Variants in DLG2 observed in about 807,000 individuals in gnomAD.
DLG2 encodes the protein disks large homolog 2.
Under a neutral mutation model 132.5 loss-of-function variants are expected in DLG2, and 45 were observed. The observed-to-expected ratio is 0.34, with a 90% CI of 0.27 to 0.44. The LOEUF (loss-of-function observed/expected upper bound fraction) is 0.44. Among genes scored for constraint, DLG2 ranks in the 20% least tolerant of loss-of-function variants. The probability of loss-of-function intolerance (pLI) is 1.00; values close to 1 mark genes in which losing one functional copy is unlikely to be tolerated. For synonymous variants in DLG2, 424 were observed against 419.6 expected, an observed-to-expected ratio of 1.01 and a Z score of -0.13; for missense variants, 1,045 against 1,196.9, an observed-to-expected ratio of 0.87 and a Z score of 1.87.
intron 8 of DLG2, among the ~76,000 whole-genome samples, chr11:84,236,590 G>A (rs2097161215): frequency 6.6e-6 from 1 of 152,190 alleles, no homozygotes; most frequent in Admixed American, 6.5e-5. Flanking sequence ...AACCCTTGGA[G>A]GGGTGTTTCA....
intron 6 of DLG2, chr11:84,923,127 A>G (rs377738928): frequency 6.2e-7 from 1 of 1,613,818 alleles, no homozygotes; most frequent in Non-Finnish European, 8.5e-7. Context: ...ATTGCAGTAA[A>G]TAAGGAGCAT....
intron 6 of DLG2, among the ~76,000 whole-genome samples, chr11:84,587,182 G>A (rs942388691): frequency 1.3e-5 from 2 of 152,210 alleles, no homozygotes; most frequent in Non-Finnish European, 2.9e-5. Flanking sequence ...TTAGAAAGTA[G>A]CAGAAGGAAC....
At chr11:84,904,857 A>G (rs1282729073) in intron 6 of DLG2, among the ~76,000 whole-genome samples, 1 of 152,192 alleles carries the variant, frequency 6.6e-6, no homozygotes, top group Non-Finnish European at 1.5e-5. Flanking sequence ...TACTTTAATG[A>G]GCACCCTGAT....
intron 6 of DLG2, among the ~76,000 whole-genome samples, chr11:84,821,695 T>G (rs1219605611): frequency 1.3e-5 from 2 of 151,508 alleles, no homozygotes; most frequent in Non-Finnish European, 3.0e-5. Context: ...CTAGTCATTT[T>G]TTGTTGTTGT....
chr11:84,756,717 A>C (rs2066926228), intron 6 of DLG2, among the ~76,000 whole-genome samples: 2 of 152,182 alleles, frequency 1.3e-5, no homozygotes, highest in Non-Finnish European at 2.9e-5. Flanking sequence ...ACAAATTCAT[A>C]AACTTTCTTA....
At chr11:84,852,277 A>T (rs936259492) in intron 6 of DLG2, among the ~76,000 whole-genome samples, 4 of 152,076 alleles carry the variant, frequency 2.6e-5, no homozygotes, top group Non-Finnish European at 4.4e-5. Flanking sequence ...GATCTAAGAC[A>T]TGATAAGACA....
Position 85,059,910 on chromosome 11 carries a change from C to T in DLG2, c.357+51751G>A, listed in dbSNP as rs571832534. On this transcript the variant is annotated intron_variant, in intron 6 of 27. Coordinates refer to ENST00000376104, the MANE Select transcript of DLG2 (RefSeq NM_001142699.3). The stretch of plus-strand genomic sequence containing the variant: ...TTTAAAAGATACACTTGTATAAATA[C>T]GTAAATATACTAGAGCATAGTGTTT... Among the ~76,000 whole-genome samples, 19 of 151,454 alleles carry T rather than the reference C, an allele frequency of 1.3e-4. No individual in the cohort carries two copies. The South Asian group carries it at 1.5e-3, about 12-fold the overall frequency.
At chr11:85,407,915 C>G (rs2088919017) in intron 3 of DLG2, among the ~76,000 whole-genome samples, 1 of 151,484 alleles carries the variant, frequency 6.6e-6, no homozygotes, top group South Asian at 2.1e-4. Flanking sequence ...CATGGAGAGG[C>G]ACATATGGCT....
chr11:84,972,333 A>T (rs1360228320), intron 6 of DLG2, among the ~76,000 whole-genome samples: 1 of 152,184 alleles, frequency 6.6e-6, no homozygotes, highest in Non-Finnish European at 1.5e-5. Flanking sequence ...TGAGTCTTTT[A>T]ATCTACTTTT....
chr11:85,322,077 A>G (rs771954114), intron 3 of DLG2, among the ~76,000 whole-genome samples: 5 of 151,848 alleles, frequency 3.3e-5, no homozygotes, highest in Non-Finnish European at 7.4e-5. Context: ...TTTTATACCT[A>G]CTCTCCAAAC....
chr11:85,348,903 T>C (rs1386397407), intron 3 of DLG2, among the ~76,000 whole-genome samples: 1 of 152,174 alleles, frequency 6.6e-6, no homozygotes, highest in East Asian at 1.9e-4. Context: ...CAGTATTCTT[T>C]CTAACATGCA....
chr11:83,977,304 T>C (rs1243431006), intron 12 of DLG2, among the ~76,000 whole-genome samples: 1 of 151,932 alleles, frequency 6.6e-6, no homozygotes, highest in Non-Finnish European at 1.5e-5. Context: ...CTTGTGCAGG[T>C]GTGTGCTTTA....
chr11:84,841,830 C>T (rs2080734355), intron 6 of DLG2, among the ~76,000 whole-genome samples: 1 of 151,908 alleles, frequency 6.6e-6, no homozygotes, highest in African/African-American at 2.4e-5. Flanking sequence ...AGAATATGCT[C>T]ATTTGATGCA....
At chr11:84,035,728 G>A (rs1593613833) in intron 11 of DLG2, among the ~76,000 whole-genome samples, 2 of 152,280 alleles carry the variant, frequency 1.3e-5, no homozygotes, top group South Asian at 2.1e-4. Flanking sequence ...GCTGTTGTGT[G>A]AAGAGACTGT....
At chr11:84,211,672 T>C (rs145692511) in intron 8 of DLG2, among the ~76,000 whole-genome samples, 1,761 of 152,350 alleles carry the variant, frequency 0.012, 37 homozygotes, top group African/African-American at 0.037. Flanking sequence ...GACAAAATTT[T>C]AATTCAAGAT....
chr11:85,011,316 C>A (rs1480363592), intron 6 of DLG2, among the ~76,000 whole-genome samples: 1 of 152,134 alleles, frequency 6.6e-6, no homozygotes, highest in Non-Finnish European at 1.5e-5. Context: ...AAAAATGAGA[C>A]CCATTTTCCT....
At chr11:84,672,982 G>C (rs1418263326) in intron 6 of DLG2, among the ~76,000 whole-genome samples, 2 of 151,980 alleles carry the variant, frequency 1.3e-5, no homozygotes, top group African/African-American at 4.8e-5. Context: ...CGGTGTGTTG[G>C]GGGGTAGGTG....
intron 7 of DLG2, among the ~76,000 whole-genome samples, chr11:84,265,380 T>C (rs1035113092): frequency 5.3e-5 from 8 of 152,262 alleles, no homozygotes; most frequent in Admixed American, 2.0e-4. Context: ...TAATTTTACA[T>C]TGGATGAAAC....
chr11:85,172,946 A>T (rs747607050), intron 4 of DLG2, among the ~76,000 whole-genome samples: 2 of 152,180 alleles, frequency 1.3e-5, no homozygotes, highest in African/African-American at 2.4e-5. Flanking sequence ...TGAACAAACC[A>T]AACCTCTGAG....
Sources: gnomAD v4.1 joint callset for allele counts (sites outside exome capture counted in the v4.1 genomes callset) on GRCh38, gnomAD v4.1.1 for gene constraint, MANE v1.5 for transcripts, NCBI Gene and HGNC (gene_info 2026-07-23, HGNC 2026-07-21) for gene names.